The following TP53INP1 variants were observed in gnomAD, a reference collection of about 807,000 sequenced individuals.
TP53INP1 encodes tumor protein p53 inducible nuclear protein 1.
Under a neutral mutation model 21.0 loss-of-function variants are expected in TP53INP1, and 12 were observed. That is an observed-to-expected ratio of 0.57 (90% confidence interval 0.37 to 0.93). The LOEUF is 0.93. Among genes scored for constraint, TP53INP1 ranks in the 40% least tolerant of loss-of-function variants. The pLI is 0.01. For missense variants in TP53INP1, 274 were observed against 294.7 expected (o/e 0.93, Z 0.51); for synonymous variants, 91 against 94.8 (o/e 0.96, Z 0.23).
At chr8:94,934,129 T>C (rs1038510048) in intron 3 of TP53INP1, among the ~76,000 whole-genome samples, 2 of 130,598 alleles carry the variant, frequency 1.5e-5, no homozygotes, top group African/African-American at 5.3e-5. Context: ...GTTAAAAGTT[T>C]ATGTGTACGT....
At chr8:94,939,739 C>A (rs759296991) in intron 3 of TP53INP1, 121 bp downstream of exon 3, 22 of 1,387,564 alleles carry the variant, frequency 1.6e-5, no homozygotes, top group Non-Finnish European at 2.2e-5. Context: ...TATGCACATG[C>A]TTTCATAAAT....
chr8:94,933,359 T>A (rs560394027), intron 3 of TP53INP1, among the ~76,000 whole-genome samples: 2 of 151,696 alleles, frequency 1.3e-5, no homozygotes, highest in Non-Finnish European at 2.9e-5. Flanking sequence ...GTACCAAAAC[T>A]AGAAAACCAT....
At position 94,931,261 on chromosome 8, in the gene TP53INP1, T is replaced by G. The variant is rs544875447; in HGVS notation, c.474-533A>C. The stretch of plus-strand genomic sequence containing the variant: ...TCTTTATTTAATAGAAATTTGCATA[T>G]GGAAATTCTACTCATTTGCCATTTT... On this transcript the variant is annotated intron_variant, in intron 3 of 3. Transcript: ENST00000342697. Among the ~76,000 whole-genome samples, 52 of 152,326 alleles carry G rather than the reference T, an allele frequency of 3.4e-4. 1 individual carries two copies. The highest frequency in any genetic ancestry group is 1.2e-3 in the African/African-American group (50 of 41,574).
chr8:94,940,234 C>T lies in TP53INP1; in HGVS notation c.113-14G>A, dbSNP rs1231985832. On this transcript the variant is annotated splice_polypyrimidine_tract_variant and intron_variant, in intron 2 of 3. Transcript: ENST00000342697. ...CAGTGCAAGTATCTAGATCGTAGTC[C>T]ACATTGCAGTCCACATGTGTTGTTG... 6.3e-7 allele frequency: 1 copy of T among 1,592,158 alleles called. No individual in the cohort carries two copies. Among genetic ancestry groups the T allele is most frequent in the South Asian group, 1.1e-5 (1 of 86,978 alleles).
intron 1 of TP53INP1, among the ~76,000 whole-genome samples, chr8:94,947,683 G>T (rs1009980934): frequency 6.6e-6 from 1 of 152,206 alleles, no homozygotes; most frequent in South Asian, 2.1e-4. Context: ...ACCCCTGTCT[G>T]CCCCTAAGGC....
intron 3 of TP53INP1, among the ~76,000 whole-genome samples, chr8:94,937,078 G>A (rs1349241262): frequency 1.3e-5 from 2 of 152,120 alleles, no homozygotes; most frequent in Admixed American, 1.3e-4. Flanking sequence ...AATGGAAGAT[G>A]CAAATGCTCA....
chr8:94,939,797 A>G, intron 3 of TP53INP1, 63 bp downstream of exon 3: 1 of 1,560,548 alleles, frequency 6.4e-7, no homozygotes, highest in Non-Finnish European at 8.7e-7. Context: ...GCTTTGAATT[A>G]CAGTAGAGAC....
At chr8:94,932,583 C>G (rs557098328) in intron 3 of TP53INP1, among the ~76,000 whole-genome samples, 29 of 152,190 alleles carry the variant, frequency 1.9e-4, no homozygotes, top group Non-Finnish European at 4.0e-4. Flanking sequence ...GCGGGCGGAT[C>G]GTGAGGTCAG....
intron 1 of TP53INP1, among the ~76,000 whole-genome samples, chr8:94,944,156 T>C (rs1821793635): frequency 6.6e-6 from 1 of 152,198 alleles, no homozygotes; most frequent in African/African-American, 2.4e-5. Flanking sequence ...ATAAGCCCAA[T>C]TCTGCAGAGC....
intron 3 of TP53INP1, 38 bp downstream of exon 3, chr8:94,939,822 G>C: frequency 1.3e-6 from 2 of 1,580,370 alleles, no homozygotes; most frequent in Non-Finnish European, 1.7e-6. Flanking sequence ...TGCATGCTCA[G>C]TGGACTGCCT....
At chr8:94,940,771 G>A (rs1177533325) in intron 2 of TP53INP1, 59 bp downstream of exon 2, 1 of 1,298,412 alleles carries the variant, frequency 7.7e-7, no homozygotes, top group Non-Finnish European at 1.1e-6. Context: ...CAAAAACTGA[G>A]ATGCAAGTTT....
At chr8:94,937,669 T>C (rs1045260634) in intron 3 of TP53INP1, among the ~76,000 whole-genome samples, 5 of 152,092 alleles carry the variant, frequency 3.3e-5, no homozygotes, top group African/African-American at 7.2e-5. Context: ...GATGCAATGG[T>C]CCTAGGACCA....
At chr8:94,932,432 CAG>C (rs1362414744) in intron 3 of TP53INP1, among the ~76,000 whole-genome samples, 2 of 152,198 alleles carry the variant, frequency 1.3e-5, no homozygotes, top group African/African-American at 2.4e-5. Flanking sequence ...GCTAAGAAAA[CAG>C]ATATTTACTA....
intron 3 of TP53INP1, among the ~76,000 whole-genome samples, chr8:94,933,762 C>CAA (rs200405745): frequency 4.2e-5 from 5 of 118,274 alleles, no homozygotes; most frequent in African/African-American, 1.5e-4. Flanking sequence ...AAGACTCTCT[C>CAA]AAAAAAAACC....
intron 3 of TP53INP1, among the ~76,000 whole-genome samples, chr8:94,933,418 A>T (rs1234135878): frequency 6.6e-6 from 1 of 152,220 alleles, no homozygotes; most frequent in African/African-American, 2.4e-5. Flanking sequence ...AAGAAGAAGA[A>T]ATCTACTGAA....
At chr8:94,930,938 C>CA (rs1820334209) in intron 3 of TP53INP1, among the ~76,000 whole-genome samples, 1 of 152,156 alleles carries the variant, frequency 6.6e-6, no homozygotes, top group African/African-American at 2.4e-5. Context: ...AGAAAGATGC[C>CA]ATATAAGCCC....
chr8:94,933,836 G>C (rs1040010617), intron 3 of TP53INP1, among the ~76,000 whole-genome samples: 1 of 145,364 alleles, frequency 6.9e-6, no homozygotes, highest in Non-Finnish European at 1.5e-5. Flanking sequence ...GCACTTTGTG[G>C]GGGGGGGGGG....
chr8:94,939,837 A>T, intron 3 of TP53INP1, 23 bp downstream of exon 3: 1 of 1,596,820 alleles, frequency 6.3e-7, no homozygotes, highest in South Asian at 1.1e-5. Context: ...CTGCCTACAG[A>T]GAGTTAAATA....
At chr8:94,946,146 T>C (rs1821969171) in intron 1 of TP53INP1, among the ~76,000 whole-genome samples, 1 of 152,036 alleles carries the variant, frequency 6.6e-6, no homozygotes, top group Admixed American at 6.6e-5. Flanking sequence ...CTTTTTATCA[T>C]AGTTATAGTC....
Sources: allele counts gnomAD v4.1 joint callset (sites outside exome capture counted in the v4.1 genomes callset), GRCh38; gene constraint gnomAD v4.1.1; transcripts MANE v1.5; gene names NCBI Gene and HGNC (gene_info 2026-07-23, HGNC 2026-07-21).